IRS2: variants seen among roughly 807,000 people sequenced by gnomAD.
IRS2 encodes the protein insulin receptor substrate 2.
Under a neutral mutation model 70.9 loss-of-function variants are expected in IRS2, and 28 were observed. The observed-to-expected ratio is 0.39, with a 90% CI of 0.29 to 0.54. The LOEUF (loss-of-function observed/expected upper bound fraction) is 0.54. Ranked by LOEUF, IRS2 falls within the 20% of genes least tolerant of loss-of-function variation. IRS2 has a pLI of 0.59. For missense variants in IRS2, 2,081 were observed against 2,024.1 expected, an observed-to-expected ratio of 1.03 and a Z score of -0.54; for synonymous variants, 1,217 against 981.9, an observed-to-expected ratio of 1.24 and a Z score of -4.48.
In IRS2 at chr13:109,756,006, C is replaced by A. The variant is rs752763066; in HGVS notation, c.*298G>T. 4.4e-6 allele frequency: 2 copies of A among 459,034 alleles called. No individual in the cohort carries two copies. The highest frequency in any genetic ancestry group is 7.9e-6 in the Non-Finnish European group (2 of 254,444). The allele number at this position is 459,034 out of a possible 1,614,324, so 28.4% of individuals were successfully genotyped here. ...GACACTGGCCACAATTTAAGAAGGCCAATGAAAACATCCAATTTTCTTGAG... is the reference window on the plus strand; with the variant it reads ...GACACTGGCCACAATTTAAGAAGGCAAATGAAAACATCCAATTTTCTTGAG... On this transcript the variant is annotated 3_prime_UTR_variant, in exon 2 of 2. Coordinates refer to ENST00000375856, the MANE Select transcript of IRS2 (RefSeq NM_003749.3).
rs1222582787 is a variant in IRS2 at position 109,786,498 on chromosome 13, C to T, written c.-445G>A. The T allele has an allele frequency of 2.6e-5, 4 of 153,142 alleles. No homozygotes were observed. Among genetic ancestry groups the T allele is most frequent in the Non-Finnish European group, 2.9e-5 (2 of 69,846 alleles). The allele number at this position is 153,142 out of a possible 1,614,324, so 9.5% of individuals were successfully genotyped here. A position where few individuals can be genotyped will look rare whatever the true frequency, so the allele number is the denominator to read the frequency against. On this transcript the variant is annotated 5_prime_UTR_variant, in exon 1 of 2. Transcript: ENST00000375856. The surrounding 1 kb of genome is among the most constrained non-coding windows in gnomAD (Gnocchi z 4.4). ...GGGCGCTCGGGGTCCGCGCCGCCGC[C>T]GGGGCTGCTGCTGCTGCTGGTGTTG...
chr13:109,780,064 T>G (rs9555634), intron 1 of IRS2, among the ~76,000 whole-genome samples: 1 of 152,182 alleles, frequency 6.6e-6, no homozygotes, highest in East Asian at 1.9e-4. Context: ...TTATGGCGCC[T>G]GCTATGGCAG....
chr13:109,783,059 C>G lies in IRS2; in HGVS notation c.2995G>C (p.Val999Leu), dbSNP rs35927012. 1.5e-6 allele frequency: 2 copies of G among 1,377,706 alleles called. No individual in the cohort carries two copies. Among genetic ancestry groups the G allele is most frequent in the African/African-American group, 1.5e-5 (1 of 65,440 alleles). The allele number at this position is 1,377,706 out of a possible 1,614,324, so 85.3% of individuals were successfully genotyped here. A position where few individuals can be genotyped will look rare whatever the true frequency, so the allele number is the denominator to read the frequency against. Residue 999 changes from valine (V) to leucine (L), a missense_variant, in exon 1 of 2, where the codon GTG becomes CTG. By Grantham distance (32) the Val-to-Leu change is conservative. This residue lies in a region of IRS2 where 1,615 missense variants were observed against 1,459.5 expected (regional missense o/e 1.11). Transcript: ENST00000375856. ...GACAGGAGGCCGTCCAAGGAGCCCA[C>G]GGGGTGGCCGCTCGGGGCGCCCGGC... ...PKPGAPSGHPVGSLDGLLSPE... is the reference protein window; with the variant it reads ...PKPGAPSGHPLGSLDGLLSPE...
In IRS2 at chr13:109,784,050, G is replaced by A. The variant is rs980444855; in HGVS notation, c.2004C>T (p.Gly668=). The change falls in exon 1 of 2, where the codon GGC becomes GGT. Residue 668 remains glycine, a synonymous_variant. Transcript: ENST00000375856. This position sits in a 1 kb window ranked among gnomAD's most constrained non-coding sequence, Gnocchi z 5.2. ...PGAALAGSGS[G]SCRSDDYMPM... is the part of the protein sequence containing the mutation. ...GCATGTAGTCGTCGCTCCTGCAGCT[G>A]CCGCTCCCACTGCCCGCGAGGGCCG... The A allele has an allele frequency of 1.3e-6, 2 of 1,549,116 alleles. No homozygotes were observed. The highest frequency in any genetic ancestry group is 2.3e-5 in the South Asian group (2 of 85,232).
At chr13:109,776,418 G>A (rs536457455) in intron 1 of IRS2, among the ~76,000 whole-genome samples, 153 of 152,314 alleles carry the variant, frequency 1.0e-3, no homozygotes, top group Non-Finnish European at 2.0e-3. Flanking sequence ...TACAAACTTA[G>A]TATTTTCCTA....
intron 1 of IRS2, among the ~76,000 whole-genome samples, chr13:109,768,941 T>C (rs990955859): frequency 1.3e-5 from 2 of 152,222 alleles, no homozygotes; most frequent in Non-Finnish European, 2.9e-5. Flanking sequence ...GCATAGGTTA[T>C]TGGGATTCAA....
intron 1 of IRS2, among the ~76,000 whole-genome samples, chr13:109,775,114 CTTT>C (rs34415737): frequency 0.31 from 35,592 of 116,300 alleles, 4,059 homozygotes; most frequent in Middle Eastern, 0.44. Flanking sequence ...CAAAATCTTT[CTTT>C]TTTTTTTTTT....
chr13:109,772,085 C>T (rs1356546680), intron 1 of IRS2, among the ~76,000 whole-genome samples: 1 of 152,248 alleles, frequency 6.6e-6, no homozygotes, highest in African/African-American at 2.4e-5. Context: ...CAGAGAGGCT[C>T]ACCCGGCATG....
At chr13:109,773,345 G>T (rs9559650) in intron 1 of IRS2, among the ~76,000 whole-genome samples, 46,695 of 152,022 alleles carry the variant, frequency 0.31, 7,435 homozygotes, top group Middle Eastern at 0.48. Flanking sequence ...CATTAAATAG[G>T]TTAATGACTC....
intron 1 of IRS2, among the ~76,000 whole-genome samples, chr13:109,781,629 C>A (rs1240738994): frequency 1.3e-5 from 2 of 152,206 alleles, no homozygotes; most frequent in Non-Finnish European, 2.9e-5. Context: ...AAAGCTGCGG[C>A]TGAGGGCAGC....
At chr13:109,761,146 CCTCT>C (rs1223811252) in intron 1 of IRS2, among the ~76,000 whole-genome samples, 1 of 152,198 alleles carries the variant, frequency 6.6e-6, no homozygotes, top group Non-Finnish European at 1.5e-5. Flanking sequence ...AGGCCCCGGT[CCTCT>C]CTGCAGAGGG....
chr13:109,758,235 A>T (rs1175906220), intron 1 of IRS2, among the ~76,000 whole-genome samples: 1 of 150,252 alleles, frequency 6.7e-6, no homozygotes, highest in Non-Finnish European at 1.5e-5. Flanking sequence ...ATGAGCTTGC[A>T]TTTTGTCCCT....
At chr13:109,781,112 G>A (rs974663315) in intron 1 of IRS2, among the ~76,000 whole-genome samples, 1 of 152,174 alleles carries the variant, frequency 6.6e-6, no homozygotes, top group Non-Finnish European at 1.5e-5. Context: ...AAAAATGTCC[G>A]TCCCTGCCTC....
At position 109,783,267 on chromosome 13, in the gene IRS2, G is replaced by C. The variant is rs1274188959; in HGVS notation, c.2787C>G (p.Ala929=). Residue 929 remains alanine (A), a synonymous_variant, in exon 1 of 2, where the codon GCC becomes GCG. Transcript: ENST00000375856. The part of the protein sequence containing the change: ...YINIDFGEPG[A]RLSPPAPPLL... The stretch of plus-strand genomic sequence containing the variant: ...GGGGAGGCGCGGGCGGCGACAGGCG[G>C]GCCCCGGGCTCGCCAAAGTCGATGT... 1 of 1,452,186 alleles carries C rather than the reference G, an allele frequency of 6.9e-7. No homozygotes were observed. Among genetic ancestry groups the C allele is most frequent in the African/African-American group, 1.5e-5 (1 of 67,930 alleles). 90.0% of individuals were successfully genotyped at this position (1,452,186 alleles called of 1,614,324 possible).
chr13:109,757,179 T>G (rs1156406853), intron 1 of IRS2, among the ~76,000 whole-genome samples: 2 of 152,180 alleles, frequency 1.3e-5, no homozygotes, highest in South Asian at 2.1e-4. Flanking sequence ...CAGAACAAAT[T>G]GGAAGATTTT....
Position 109,784,571 on chromosome 13 carries a change from G to T in IRS2, c.1483C>A (p.Pro495Thr). The T allele has an allele frequency of 7.2e-7, 1 of 1,396,932 alleles. No homozygotes were observed. Among genetic ancestry groups the T allele is most frequent in the Non-Finnish European group, 9.2e-7 (1 of 1,081,124 alleles). The allele number at this position is 1,396,932 out of a possible 1,614,324, so 86.5% of individuals were successfully genotyped here. A position where few individuals can be genotyped will look rare whatever the true frequency, so the allele number is the denominator to read the frequency against. ...SASASGSPSD[P>T]GFMSLDEYGS... The stretch of plus-strand genomic sequence containing the variant: ...TACTCGTCCAGGGACATGAAGCCGG[G>T]GTCGCTGGGGGAGCCCGAGGCGGAG... Residue 495 changes from proline (P) to threonine (T), a missense_variant, in exon 1 of 2, where the codon CCC (proline) becomes ACC (threonine). By Grantham distance (38) the Pro-to-Thr change is conservative. This residue lies in a region of IRS2 where 1,615 missense variants were observed against 1,459.5 expected (regional missense o/e 1.11). Coordinates refer to ENST00000375856, the MANE Select transcript of IRS2 (RefSeq NM_003749.3). The surrounding 1 kb of genome is among the most constrained non-coding windows in gnomAD (Gnocchi z 5.2).
At position 109,782,690 on chromosome 13, in the gene IRS2, G is replaced by A. The variant is rs2138930427; in HGVS notation, c.3364C>T (p.Gln1122Ter). 6.3e-7 allele frequency: 1 copy of A among 1,582,198 alleles called. No individual in the cohort carries two copies. The change falls in exon 1 of 2, where the codon CAG becomes TAG. Residue 1122 changes from glutamine (Q) to a stop codon, truncating the protein, a stop_gained. Transcript: ENST00000375856. LOFTEE classifies it high-confidence loss of function. ...EQVSGVEAFL[Q>*]ASQPPDPHRG... ...TGGGGGTCCGGGGGCTGGCTGGCCT[G>A]CAGGAAGGCCTCGACTCCCGACACC...
chr13:109,785,080 T>C lies in IRS2; in HGVS notation c.974A>G (p.His325Arg). ...GGGGGGCAGGTTGACCAGGTGGTGG[T>C]GGCGGCGCGCGCCGGGGACGCTGAT... ...HPISVPGARR[H>R]HHLVNLPPSQ... The change falls in exon 1 of 2, where the codon CAC (histidine) becomes CGC (arginine). Residue 325 changes from histidine (H) to arginine (R), a missense_variant. His to Arg is a conservative substitution (Grantham distance 29). This residue lies in a region of IRS2 where 111 missense variants were observed against 133.1 expected (regional missense o/e 0.83). Coordinates refer to ENST00000375856, the MANE Select transcript of IRS2 (RefSeq NM_003749.3). The surrounding 1 kb of genome is among the most constrained non-coding windows in gnomAD (Gnocchi z 9.3). 6.3e-7 allele frequency: 1 copy of C among 1,577,216 alleles called. No homozygotes were observed. Among genetic ancestry groups the C allele is most frequent in the Non-Finnish European group, 8.6e-7 (1 of 1,163,134 alleles).
In IRS2 at chr13:109,770,582, C is replaced by A. The variant is rs532163199; in HGVS notation, c.4012+11460G>T. Among the ~76,000 whole-genome samples, 8 of 152,238 alleles carry A rather than the reference C, an allele frequency of 5.3e-5. No homozygotes were observed. In the East Asian group the frequency reaches 1.4e-3, roughly 26 times the overall value. On this transcript the variant is annotated intron_variant, in intron 1 of 1. Transcript: ENST00000375856. ...ACTGTGAATGTTCCAGCAAGGATAT[C>A]CACTGTCGCAGCAGAGACATCCCGT...
Sources: allele counts gnomAD v4.1 joint callset (sites outside exome capture counted in the v4.1 genomes callset), GRCh38; gene constraint gnomAD v4.1.1; regional missense constraint gnomAD v4.1.1; non-coding constraint Gnocchi (gnomAD v3.1); transcripts MANE v1.5; gene names NCBI Gene and HGNC (gene_info 2026-07-23, HGNC 2026-07-21).